Variants in WDR72 observed in about 807,000 individuals in gnomAD.
WDR72 encodes WD repeat domain 72.
WDR72 carries 120 observed loss-of-function variants against 124.2 expected under a neutral mutation model. The ratio of observed to expected loss-of-function variants is 0.97; its 90% CI spans 0.83 to 1.12. The LOEUF (loss-of-function observed/expected upper bound fraction) is 1.12, where lower values mean the gene tolerates loss of function less well. Ranked by LOEUF, WDR72 falls within the 50% of genes most tolerant of loss-of-function variation. The probability of loss-of-function intolerance (pLI) is 0.00; values close to 1 mark genes in which losing one functional copy is unlikely to be tolerated. For synonymous variants in WDR72, 452 were observed against 441.7 expected (o/e 1.02, Z -0.29); for missense variants, 1,387 against 1,278.8 (o/e 1.08, Z -1.29).
At chr15:53,731,598 A>G (rs1343603597) in intron 2 of WDR72, among the ~76,000 whole-genome samples, 1 of 150,980 alleles carries the variant, frequency 6.6e-6, no homozygotes, top group Non-Finnish European at 1.5e-5. Flanking sequence ...AAGAACCACT[A>G]CTCTGAATCC....
At chr15:53,749,804 C>T (rs2018731469) in intron 1 of WDR72, among the ~76,000 whole-genome samples, 1 of 152,148 alleles carries the variant, frequency 6.6e-6, no homozygotes, top group Non-Finnish European at 1.5e-5. Context: ...TTTTAATGAT[C>T]AGGAAAGATG....
chr15:53,675,768 T>C (rs1595840059), intron 13 of WDR72, among the ~76,000 whole-genome samples: 1 of 152,166 alleles, frequency 6.6e-6, no homozygotes, highest in East Asian at 1.9e-4. Flanking sequence ...GATCTGGAAT[T>C]TTTCCTGGGA....
chr15:53,705,212 C>T lies in WDR72; in HGVS notation c.1124G>A (p.Trp375Ter). 6.2e-7 allele frequency: 1 copy of T among 1,613,496 alleles called. No individual in the cohort carries two copies. The highest frequency in any genetic ancestry group is 8.5e-7 in the Non-Finnish European group (1 of 1,179,974). Reference protein sequence around the residue: ...SPREIPVTATWTLQDNFDKHD... With the variant: ...SPREIPVTAT ...CTTATCAAAATTATCTTGAAGAGTC[C>T]AGGTGGCAGTTACTGGTATCTCTAA... is the stretch of plus-strand genomic sequence containing the variant. The change falls in exon 11 of 20, where the codon TGG becomes TAG. Residue 375 changes from tryptophan (W) to a stop codon, truncating the protein, a stop_gained. Coordinates refer to ENST00000360509, the MANE Select transcript of WDR72 (RefSeq NM_182758.4). LOFTEE classifies it high-confidence loss of function.
chr15:53,680,092 T>C (rs553401662), intron 13 of WDR72, among the ~76,000 whole-genome samples: 80 of 152,298 alleles, frequency 5.3e-4, no homozygotes, highest in Admixed American at 1.2e-3. Context: ...GCTAAGAGAA[T>C]GTAGGCCTAT....
chr15:53,733,299 C>T (rs1455856897), intron 1 of WDR72, 138 bp from the exon 2 acceptor site: 4 of 902,324 alleles, frequency 4.4e-6, no homozygotes, highest in South Asian at 2.9e-5. Context: ...GGTGTTTCCC[C>T]GTCAATTAGA....
intron 13 of WDR72, among the ~76,000 whole-genome samples, chr15:53,686,661 A>C (rs533170853): frequency 1.3e-5 from 2 of 150,018 alleles, no homozygotes; most frequent in East Asian, 3.9e-4. Flanking sequence ...ACGAGACAGA[A>C]AGTCAACAAG....
Position 53,514,485 on chromosome 15 carries a change from TATA to T in WDR72, c.*3211_*3213del, listed in dbSNP as rs1891328744. On this transcript the variant is annotated 3_prime_UTR_variant, in exon 20 of 20. Coordinates refer to ENST00000360509, the MANE Select transcript of WDR72 (RefSeq NM_182758.4). ...ATAGTATCTTTTCTAAAGTGTTCAT[TATA>T]ATAATTATGAAAGGATTTTAAAAAT... 6.6e-6 allele frequency: 1 copy of T among 152,146 alleles called. No homozygotes were observed. The highest frequency in any genetic ancestry group is 2.4e-5 in the African/African-American group (1 of 41,438). The allele number at this position is 152,146 out of a possible 1,614,324, so 9.4% of individuals were successfully genotyped here.
intron 2 of WDR72, among the ~76,000 whole-genome samples, chr15:53,723,924 C>T (rs1437800922): frequency 6.6e-6 from 1 of 152,068 alleles, no homozygotes; most frequent in Non-Finnish European, 1.5e-5. Flanking sequence ...GATGCAGAAG[C>T]CATGGACATG....
At chr15:53,652,661 G>A (rs983206112) in intron 14 of WDR72, among the ~76,000 whole-genome samples, 2 of 152,098 alleles carry the variant, frequency 1.3e-5, no homozygotes, top group African/African-American at 4.8e-5. Flanking sequence ...GATATACAAC[G>A]CAATCCTCAG....
intron 18 of WDR72, among the ~76,000 whole-genome samples, chr15:53,540,381 G>T (rs1893019811): frequency 1.3e-5 from 2 of 152,070 alleles, no homozygotes; most frequent in South Asian, 2.1e-4. Flanking sequence ...AACATTCCAG[G>T]AATGGAACTA....
chr15:53,595,116 T>C (rs148870795), intron 18 of WDR72, among the ~76,000 whole-genome samples: 1 of 152,220 alleles, frequency 6.6e-6, no homozygotes, highest in East Asian at 1.9e-4. Context: ...TCCACCAACA[T>C]ATAAAGTAGG....
intron 13 of WDR72, among the ~76,000 whole-genome samples, chr15:53,670,539 C>T (rs558458859): frequency 6.6e-6 from 1 of 152,306 alleles, no homozygotes; most frequent in Non-Finnish European, 1.5e-5. Flanking sequence ...AGGGGGACAA[C>T]AAGGACACAT....
In WDR72 at chr15:53,699,762, C is replaced by T; in HGVS notation, c.1753G>A (p.Glu585Lys). The T allele has an allele frequency of 6.2e-7, 1 of 1,614,082 alleles. No homozygotes were observed. The highest frequency in any genetic ancestry group is 8.5e-7 in the Non-Finnish European group (1 of 1,179,992). Residue 585 changes from glutamate (E) to lysine (K), a missense_variant, in exon 13 of 20, where the codon GAA becomes AAA. Physicochemically the swap from Glu to Lys is moderately conservative, Grantham distance 56. Coordinates refer to ENST00000360509, the MANE Select transcript of WDR72 (RefSeq NM_182758.4). ...AATTTCAACTTACCTGTTTCAATTT[C>T]CCAGATATAAACTGAGTCATCTGCA... is the stretch of plus-strand genomic sequence containing the variant. ...GCADDSVYIW[E>K]IETGTLERHE...
chr15:53,613,276 A>G (rs191395160), intron 16 of WDR72, among the ~76,000 whole-genome samples: 1 of 152,292 alleles, frequency 6.6e-6, no homozygotes, highest in East Asian at 1.9e-4. Flanking sequence ...AAACTTTCCA[A>G]TAAAACACAA....
At chr15:53,758,165 A>G in intron 1 of WDR72, among the ~76,000 whole-genome samples, 1 of 151,720 alleles carries the variant, frequency 6.6e-6, no homozygotes, top group Non-Finnish European at 1.5e-5. Flanking sequence ...GCACACCACC[A>G]CACCCAGCTG....
rs72747346 is a variant in WDR72, at chr15:53,636,510, A to G, written c.1963-20267T>C. On this transcript the variant is annotated intron_variant, in intron 14 of 19. Transcript: ENST00000360509. Reference sequence around the variant, plus strand: ...CCAATTAGATCTGTTACCATATTTTATATAGGTCATACATCACATATACTA... The same window carrying G: ...CCAATTAGATCTGTTACCATATTTTGTATAGGTCATACATCACATATACTA... 4.5e-3 allele frequency among the ~76,000 whole-genome samples: 680 copies of G among 152,356 alleles called. 2 individuals are homozygous for G. The highest frequency in any genetic ancestry group is 7.3e-3 in the Non-Finnish European group (495 of 68,036).
intron 18 of WDR72, among the ~76,000 whole-genome samples, chr15:53,546,229 G>A (rs1173860621): frequency 1.3e-5 from 2 of 151,286 alleles, no homozygotes; most frequent in African/African-American, 4.9e-5. Context: ...GTTTATTGCG[G>A]CATTATTCAC....
At chr15:53,664,688 CT>C (rs1372900842) in intron 14 of WDR72, among the ~76,000 whole-genome samples, 1 of 151,950 alleles carries the variant, frequency 6.6e-6, no homozygotes, top group Non-Finnish European at 1.5e-5. Context: ...AAAATATATC[CT>C]TTAAATAATC....
rs2037364618 is a variant in WDR72, at chr15:53,515,190, A to T, written c.*2509T>A. 6.6e-6 allele frequency: 1 copy of T among 151,746 alleles called. No homozygotes were observed. The highest frequency in any genetic ancestry group is 1.5e-5 in the Non-Finnish European group (1 of 67,918). The allele number at this position is 151,746 out of a possible 1,614,324, so 9.4% of individuals were successfully genotyped here. On this transcript the variant is annotated 3_prime_UTR_variant, in exon 20 of 20. Coordinates refer to ENST00000360509, the MANE Select transcript of WDR72 (RefSeq NM_182758.4). ...TTTAAATAAATTTTTTATTACAATG[A>T]CAGGAAGACTCCGGATACAAACACA...
Sources: gnomAD v4.1 joint callset for allele counts (sites outside exome capture counted in the v4.1 genomes callset) on GRCh38, gnomAD v4.1.1 for gene constraint, MANE v1.5 for transcripts, NCBI Gene and HGNC (gene_info 2026-07-23, HGNC 2026-07-21) for gene names.